The following PBX3 variants were observed in gnomAD, a reference collection of about 807,000 sequenced individuals.
PBX3 encodes the protein PBX homeobox 3.
In PBX3, 14 loss-of-function variants were observed where a neutral mutation model predicts 48.5. That is an observed-to-expected ratio of 0.29 (90% confidence interval 0.19 to 0.45). The LOEUF is 0.45. Ranked by LOEUF, PBX3 falls within the 20% of genes least tolerant of loss-of-function variation. PBX3 has a pLI of 1.00. For synonymous variants in PBX3, 210 were observed against 200.3 expected (o/e 1.05, Z -0.41); for missense variants, 386 against 546.7 (o/e 0.71, Z 2.93).
intron 5 of PBX3, among the ~76,000 whole-genome samples, chr9:125,947,721 A>G (rs1017513867): frequency 6.6e-6 from 1 of 152,012 alleles, no homozygotes; most frequent in Non-Finnish European, 1.5e-5. Flanking sequence ...TTAATACTCT[A>G]AGTAATAGAG....
intron 2 of PBX3, among the ~76,000 whole-genome samples, chr9:125,898,660 C>T (rs1391040743): frequency 6.6e-6 from 1 of 151,712 alleles, no homozygotes; most frequent in Non-Finnish European, 1.5e-5. Context: ...CAAGGCCATA[C>T]AACCAAATAA....
At chr9:125,868,520 G>A (rs909363143) in intron 2 of PBX3, among the ~76,000 whole-genome samples, 6 of 152,200 alleles carry the variant, frequency 3.9e-5, no homozygotes, top group Admixed American at 3.3e-4. Flanking sequence ...AGGACAGAGA[G>A]TGATTCCACA....
Position 125,833,534 on chromosome 9 carries a change from G to A in PBX3, c.275-82152G>A, listed in dbSNP as rs118003306. ...ATTGCTGAATCCTTATAATACCACCGTAAATTTTATATCCTAATTTTATAG... is the reference window on the plus strand; with the variant it reads ...ATTGCTGAATCCTTATAATACCACCATAAATTTTATATCCTAATTTTATAG... On this transcript the variant is annotated intron_variant, in intron 2 of 8. Coordinates refer to ENST00000373489, the MANE Select transcript of PBX3 (RefSeq NM_006195.6). Among the ~76,000 whole-genome samples, 705 of 151,978 alleles carry A rather than the reference G, an allele frequency of 4.6e-3. 2 individuals carry two copies. Among genetic ancestry groups the A allele is most frequent in the Non-Finnish European group, 7.9e-3 (539 of 67,962 alleles).
chr9:125,801,432 G>T lies in PBX3; in HGVS notation c.274+52809G>T, dbSNP rs557137949. 3.3e-5 allele frequency among the ~76,000 whole-genome samples: 5 copies of T among 152,032 alleles called. No individual in the cohort carries two copies. In the South Asian group the frequency reaches 1.0e-3, roughly 32 times the overall value. On this transcript the variant is annotated intron_variant, in intron 2 of 8. Coordinates refer to ENST00000373489, the MANE Select transcript of PBX3 (RefSeq NM_006195.6). ...GGCTCCTTTTATTTTATGGAGCTTT[G>T]GGAATGACTGAGTAAAATTATTTCC...
At chr9:125,763,978 T>G (rs937582338) in intron 2 of PBX3, among the ~76,000 whole-genome samples, 1 of 152,184 alleles carries the variant, frequency 6.6e-6, no homozygotes, top group African/African-American at 2.4e-5. Context: ...CACATTCTTT[T>G]CTTCACTTGT....
chr9:125,874,518 A>G (rs1206258595), intron 2 of PBX3, among the ~76,000 whole-genome samples: 1 of 152,196 alleles, frequency 6.6e-6, no homozygotes, highest in Non-Finnish European at 1.5e-5. Flanking sequence ...TTGGGCTATC[A>G]TTGGAAACAT....
rs539049315 is a variant in PBX3 at position 125,921,874 on chromosome 9, G to A, written c.516+5947G>A. 3.3e-5 allele frequency among the ~76,000 whole-genome samples: 5 copies of A among 152,206 alleles called. No homozygotes were observed. The South Asian group carries it at 1.0e-3, about 32-fold the overall frequency. On this transcript the variant is annotated intron_variant, in intron 3 of 8. Coordinates refer to ENST00000373489, the MANE Select transcript of PBX3 (RefSeq NM_006195.6). ...TATTTATTCTTTCTTGTCAAAAGTGGGCTTTAGAATATTATGATCTGTTTA... is the reference window on the plus strand; with the variant it reads ...TATTTATTCTTTCTTGTCAAAAGTGAGCTTTAGAATATTATGATCTGTTTA...
rs190327679 is a variant in PBX3 at position 125,752,807 on chromosome 9, A to G, written c.274+4184A>G. ...GTCTAAATGTTATTATATATTTTGC[A>G]TATGCTTTTAAGTTGCTCTTGCACT... On this transcript the variant is annotated intron_variant, in intron 2 of 8. Transcript: ENST00000373489. 5.3e-5 allele frequency among the ~76,000 whole-genome samples: 8 copies of G among 152,348 alleles called. No individual in the cohort carries two copies. In the East Asian group the frequency reaches 1.5e-3, roughly 29 times the overall value.
At chr9:125,935,381 A>AT in intron 4 of PBX3, 91 bp from the exon 5 acceptor site, 26 of 1,117,024 alleles carry the variant, frequency 2.3e-5, no homozygotes, top group Non-Finnish European at 3.4e-5. Flanking sequence ...AAAAAGAGAA[A>AT]TCTACTTTTT....
intron 2 of PBX3, among the ~76,000 whole-genome samples, chr9:125,793,880 G>T (rs554968623): frequency 9.9e-5 from 15 of 152,198 alleles, no homozygotes; most frequent in Admixed American, 4.6e-4. Flanking sequence ...AGCTATTATT[G>T]TAGGGAATTT....
intron 5 of PBX3, among the ~76,000 whole-genome samples, chr9:125,959,947 T>C (rs574445828): frequency 6.6e-6 from 1 of 152,232 alleles, no homozygotes; most frequent in African/African-American, 2.4e-5. Flanking sequence ...TGACGTGTGA[T>C]GAAATCTGCC....
At chr9:125,956,140 C>G (rs925262537) in intron 5 of PBX3, among the ~76,000 whole-genome samples, 1 of 152,094 alleles carries the variant, frequency 6.6e-6, no homozygotes, top group African/African-American at 2.4e-5. Context: ...ATTAATGCAC[C>G]CAACAGTTCT....
intron 5 of PBX3, among the ~76,000 whole-genome samples, chr9:125,959,670 TATA>T (rs1842386011): frequency 6.6e-6 from 1 of 152,178 alleles, no homozygotes; most frequent in African/African-American, 2.4e-5. Flanking sequence ...AGCTGTTAAG[TATA>T]ATACCTTCAG....
At chr9:125,933,473 CT>C (rs1333159425) in intron 4 of PBX3, among the ~76,000 whole-genome samples, 4 of 152,160 alleles carry the variant, frequency 2.6e-5, no homozygotes, top group African/African-American at 9.7e-5. Flanking sequence ...CTTCTCTTTG[CT>C]TTTCTAGATA....
At chr9:125,779,292 G>C (rs936013622) in intron 2 of PBX3, among the ~76,000 whole-genome samples, 1 of 137,984 alleles carries the variant, frequency 7.2e-6, no homozygotes, top group African/African-American at 2.8e-5. Flanking sequence ...ATCATTCTTG[G>C]GTGTTTCTCG....
intron 5 of PBX3, among the ~76,000 whole-genome samples, chr9:125,941,331 G>T (rs1376444234): frequency 6.6e-6 from 1 of 152,188 alleles, no homozygotes; most frequent in African/African-American, 2.4e-5. Flanking sequence ...AATGGTTCAT[G>T]GGCCTTCTAG....
intron 2 of PBX3, among the ~76,000 whole-genome samples, chr9:125,896,176 T>C (rs1003309260): frequency 1.1e-4 from 16 of 152,162 alleles, no homozygotes; most frequent in Non-Finnish European, 1.8e-4. Context: ...AGCTATTTCC[T>C]TAATTCACCA....
intron 2 of PBX3, among the ~76,000 whole-genome samples, chr9:125,898,095 G>A (rs572960066): frequency 1.8e-4 from 27 of 151,894 alleles, no homozygotes; most frequent in Non-Finnish European, 3.7e-4. Flanking sequence ...TGAGGTCCCT[G>A]CTTGCCCTTT....
intron 2 of PBX3, among the ~76,000 whole-genome samples, chr9:125,897,787 T>C (rs538576486): frequency 2.6e-5 from 4 of 151,920 alleles, no homozygotes; most frequent in Non-Finnish European, 4.4e-5. Context: ...GCCAGAATTA[T>C]CATTCTCATA....
Sources: gnomAD v4.1 joint callset for allele counts (sites outside exome capture counted in the v4.1 genomes callset) on GRCh38, gnomAD v4.1.1 for gene constraint, MANE v1.5 for transcripts, NCBI Gene and HGNC (gene_info 2026-07-23, HGNC 2026-07-21) for gene names.